TNFRSF10C: variants seen among roughly 807,000 people sequenced by gnomAD.
The protein encoded by TNFRSF10C is TNF receptor superfamily member 10c.
In TNFRSF10C, 17 loss-of-function variants were observed where a neutral mutation model predicts 16.7. That is an observed-to-expected ratio of 1.02 (90% CI 0.70 to 1.53). The LOEUF is 1.53. Ranked by LOEUF, TNFRSF10C falls within the 40% of genes most tolerant of loss-of-function variation. The pLI is 0.00. For missense variants in TNFRSF10C, 237 were observed against 329.7 expected (o/e 0.72, Z 2.18); for synonymous variants, 73 against 119.7 (o/e 0.61, Z 2.55).
chr8:23,110,503 C>A (rs1467860515), intron 1 of TNFRSF10C, among the ~76,000 whole-genome samples: 1 of 152,162 alleles, frequency 6.6e-6, no homozygotes, highest in Non-Finnish European at 1.5e-5. Flanking sequence ...TTATTGAATT[C>A]TTTAGTGTGT....
chr8:23,109,550 T>G (rs1813841314), intron 1 of TNFRSF10C, among the ~76,000 whole-genome samples: 2 of 151,004 alleles, frequency 1.3e-5, no homozygotes, highest in Admixed American at 1.3e-4. Flanking sequence ...GGCAGGAGAA[T>G]AGCATGAACC....
intron 1 of TNFRSF10C, among the ~76,000 whole-genome samples, chr8:23,105,625 C>T (rs1585245387): frequency 6.6e-6 from 1 of 152,204 alleles, no homozygotes; most frequent in East Asian, 1.9e-4. Flanking sequence ...TGTCTCCATC[C>T]AGGTGGCTGC....
chr8:23,106,177 C>G (rs1470035463), intron 1 of TNFRSF10C, among the ~76,000 whole-genome samples: 1 of 149,466 alleles, frequency 6.7e-6, no homozygotes, highest in Admixed American at 6.7e-5. Flanking sequence ...GAATCCTGTT[C>G]CCTGGAGCCC....
At chr8:23,114,632 C>T (rs765395631) in intron 2 of TNFRSF10C, 25 bp from the exon 3 acceptor site, 2 of 1,586,174 alleles carry the variant, frequency 1.3e-6, no homozygotes, top group Non-Finnish European at 1.7e-6. Context: ...GTGACTCATT[C>T]ATTGGCTTTT....
At position 23,117,080 on chromosome 8, in the gene TNFRSF10C, A is replaced by G. The variant is rs1814003849; in HGVS notation, c.*49A>G. 4.4e-6 allele frequency: 7 copies of G among 1,592,842 alleles called. No homozygotes were observed. The highest frequency in any genetic ancestry group is 6.0e-6 in the Non-Finnish European group (7 of 1,170,508). On this transcript the variant is annotated 3_prime_UTR_variant, in exon 5 of 5. Transcript: ENST00000356864. ...CCTTCCTTACCTGAAAGGTTCAGGT[A>G]GGCGCTGGCTGAGGGCGGGGGGCGC...
chr8:23,109,400 G>A (rs181817578), intron 1 of TNFRSF10C, among the ~76,000 whole-genome samples: 443 of 152,262 alleles, frequency 2.9e-3, no homozygotes, highest in Middle Eastern at 6.8e-3. Flanking sequence ...CACTTTGGGA[G>A]GCCGAGGAGG....
At chr8:23,109,531 G>C (rs1339036961) in intron 1 of TNFRSF10C, among the ~76,000 whole-genome samples, 1 of 151,886 alleles carries the variant, frequency 6.6e-6, no homozygotes, top group African/African-American at 2.4e-5. Context: ...CAGTTACTTG[G>C]GAGGCTGAGG....
chr8:23,116,505 G>T (rs1180867596), intron 4 of TNFRSF10C, 136 bp from the exon 5 acceptor site: 4 of 1,256,828 alleles, frequency 3.2e-6, no homozygotes, highest in African/African-American at 3.0e-5. Flanking sequence ...GAACTTGGGG[G>T]ACCCCCTCCA....
In TNFRSF10C at chr8:23,111,876, T is replaced by C. The variant is rs1257029864; in HGVS notation, c.166+51T>C. 8 of 1,521,390 alleles carry C rather than the reference T, an allele frequency of 5.3e-6. No individual in the cohort carries two copies. In the South Asian group the frequency reaches 5.8e-5, roughly 11 times the overall value. 94.2% of individuals were successfully genotyped at this position (1,521,390 alleles called of 1,614,324 possible). A position where few individuals can be genotyped will look rare whatever the true frequency, so the allele number is the denominator to read the frequency against. ...TTTATTTTTAATTGACAGATAAACA[T>C]TGTATGTATTTATGATGTACACCAT... On this transcript the variant is annotated intron_variant, in intron 2 of 4. Coordinates refer to ENST00000356864, the MANE Select transcript of TNFRSF10C (RefSeq NM_003841.5).
At chr8:23,110,132 A>T (rs1272316212) in intron 1 of TNFRSF10C, among the ~76,000 whole-genome samples, 1 of 150,702 alleles carries the variant, frequency 6.6e-6, no homozygotes, top group Non-Finnish European at 1.5e-5. Flanking sequence ...AAGGATTTTA[A>T]AAAACACTAA....
Position 23,111,944 on chromosome 8 carries a change from G to A in TNFRSF10C, c.166+119G>A, listed in dbSNP as rs564378451. ...ACGCATTGTGGAATGGCTAAATCAA[G>A]CTAATTCACATACTTAATCATGTAT... On this transcript the variant is annotated intron_variant, in intron 2 of 4. Coordinates refer to ENST00000356864, the MANE Select transcript of TNFRSF10C (RefSeq NM_003841.5). 2.7e-5 allele frequency: 28 copies of A among 1,032,360 alleles called. No homozygotes were observed. In the South Asian group the frequency reaches 4.0e-4, roughly 15 times the overall value. The allele number at this position is 1,032,360 out of a possible 1,614,324, so 63.9% of individuals were successfully genotyped here.
chr8:23,115,558 T>G lies in TNFRSF10C; in HGVS notation c.331T>G (p.Cys111Gly). 6.2e-7 allele frequency: 1 copy of G among 1,613,374 alleles called. No individual in the cohort carries two copies. Among genetic ancestry groups the G allele is most frequent in the Non-Finnish European group, 8.5e-7 (1 of 1,179,666 alleles). Residue 111 changes from cysteine to glycine, a missense_variant, in exon 4 of 5, where the codon TGT becomes GGT. Transcript: ENST00000356864. ...CATGACCAGAGACACAGTGTGTCAG[T>G]GTAAAGAAGGCACCTTCCGGAATGA... ...CTMTRDTVCQ[C>G]KEGTFRNENS...
intron 2 of TNFRSF10C, among the ~76,000 whole-genome samples, chr8:23,113,364 C>G (rs1184653419): frequency 6.6e-6 from 1 of 152,116 alleles, no homozygotes; most frequent in Non-Finnish European, 1.5e-5. Context: ...AGTCAAGAAA[C>G]CATTGCCCAG....
chr8:23,116,650 T>C lies in TNFRSF10C; in HGVS notation c.399T>C (p.Ser133=). The change falls in exon 5 of 5, where the codon AGT becomes AGC. Residue 133 remains serine, a synonymous_variant. Transcript: ENST00000356864. ...EMCRKCSRCP[S]GEVQVSNCTS... ...CTCTGTGTGTACCCAGGTGCCCTAGTGGGGAAGTCCAAGTCAGTAATTGTA... is the reference window on the plus strand; with the variant it reads ...CTCTGTGTGTACCCAGGTGCCCTAGCGGGGAAGTCCAAGTCAGTAATTGTA... 6.2e-7 allele frequency: 1 copy of C among 1,613,622 alleles called. No homozygotes were observed.
At chr8:23,104,635 A>G (rs1215750195) in intron 1 of TNFRSF10C, among the ~76,000 whole-genome samples, 410 of 151,240 alleles carry the variant, frequency 2.7e-3, no homozygotes, top group African/African-American at 8.7e-3. Flanking sequence ...TCCTCCAAAA[A>G]ACCACTGAAC....
chr8:23,115,389 C>G lies in TNFRSF10C; in HGVS notation c.281-119C>G, dbSNP rs919224329. The G allele has an allele frequency of 6.9e-6, 5 of 723,156 alleles. No homozygotes were observed. The African/African-American group carries it at 8.8e-5, about 13-fold the overall frequency. The allele number at this position is 723,156 out of a possible 1,614,324, so 44.8% of individuals were successfully genotyped here. A position where few individuals can be genotyped will look rare whatever the true frequency, so the allele number is the denominator to read the frequency against. ...AGCCCTGAGTGTGCTGGTGCAGAAA[C>G]TGGCCCTTAGAACTCCTTGGTGAAC... On this transcript the variant is annotated intron_variant, in intron 3 of 4. Coordinates refer to ENST00000356864, the MANE Select transcript of TNFRSF10C (RefSeq NM_003841.5).
chr8:23,116,986 C>T lies in TNFRSF10C; in HGVS notation c.735C>T (p.Ile245=), dbSNP rs370853616. 3 of 1,614,002 alleles carry T rather than the reference C, an allele frequency of 1.9e-6. No homozygotes were observed. The highest frequency in any genetic ancestry group is 1.1e-5 in the South Asian group (1 of 91,064). ...CTTCTCATTACCTCTCATGCACCAT[C>T]GTAGGGATCATAGTTCTAATTGTGC... The part of the protein sequence containing the change: ...PASSHYLSCT[I]VGIIVLIVLL... The change falls in exon 5 of 5, where the codon ATC becomes ATT. Residue 245 remains isoleucine (I), a synonymous_variant. Coordinates refer to ENST00000356864, the MANE Select transcript of TNFRSF10C (RefSeq NM_003841.5).
At chr8:23,107,414 G>C (rs774288956) in intron 1 of TNFRSF10C, among the ~76,000 whole-genome samples, 7 of 152,118 alleles carry the variant, frequency 4.6e-5, no homozygotes, top group Non-Finnish European at 1.0e-4. Context: ...TTTTCTTATC[G>C]TGGTGGTAGT....
Position 23,114,670 on chromosome 8 carries a change from A to T in TNFRSF10C, c.180A>T (p.Ser60=). The part of the protein sequence containing the change: ...GEECPAGSHR[S]EHTGACNPCT... ...CTTCCTTCCCAGGATCTCATAGATC[A>T]GAACATACTGGAGCCTGTAACCCGT... Residue 60 remains serine (S), a synonymous_variant, in exon 3 of 5, where the codon TCA becomes TCT. Transcript: ENST00000356864. 6.2e-7 allele frequency: 1 copy of T among 1,611,492 alleles called. No homozygotes were observed. Among genetic ancestry groups the T allele is most frequent in the Non-Finnish European group, 8.5e-7 (1 of 1,179,790 alleles).
Sources: gnomAD v4.1 joint callset for allele counts (sites outside exome capture counted in the v4.1 genomes callset) on GRCh38, gnomAD v4.1.1 for gene constraint, MANE v1.5 for transcripts, NCBI Gene and HGNC (gene_info 2026-07-23, HGNC 2026-07-21) for gene names.